Variants in ZCCHC7 observed in about 807,000 individuals in gnomAD.
ZCCHC7 encodes the protein zinc finger CCHC domain-containing protein 7.
A neutral mutation model predicts 52.0 loss-of-function variants in ZCCHC7; 35 were observed. The observed-to-expected ratio is 0.67, with a 90% CI of 0.51 to 0.89. The LOEUF is 0.89. Ranked by LOEUF, ZCCHC7 falls within the 40% of genes least tolerant of loss-of-function variation. ZCCHC7 has a pLI of 0.00. For synonymous variants in ZCCHC7, 217 were observed against 221.5 expected, an observed-to-expected ratio of 0.98 and a Z score of 0.18; for missense variants, 574 against 649.1, an observed-to-expected ratio of 0.88 and a Z score of 1.26.
intron 2 of ZCCHC7, among the ~76,000 whole-genome samples, chr9:37,150,571 C>G (rs1340253863): frequency 6.6e-6 from 1 of 152,140 alleles, no homozygotes; most frequent in Non-Finnish European, 1.5e-5. Flanking sequence ...AGCTATGTCT[C>G]AGTACAGGAA....
rs1826435716 is a variant in ZCCHC7, at chr9:37,253,621, A to G, written c.611-48567A>G. Among the ~76,000 whole-genome samples the G allele has an allele frequency of 2.0e-5, 3 of 152,124 alleles. No individual in the cohort carries two copies. In the South Asian group the frequency reaches 6.2e-4, roughly 32 times the overall value. ...ACACAGTGGGACCAGGGAGATTCAC[A>G]TAAAAAAAAATTTACATTAAACTTC... On this transcript the variant is annotated intron_variant, in intron 2 of 8. Transcript: ENST00000336755.
chr9:37,252,808 T>C (rs1252908775), intron 2 of ZCCHC7, among the ~76,000 whole-genome samples: 3 of 152,114 alleles, frequency 2.0e-5, no homozygotes, highest in Admixed American at 2.0e-4. Flanking sequence ...AATACCAACA[T>C]TGGTATTTGA....
rs935592764 is a variant in ZCCHC7, at chr9:37,292,017, A to C, written c.611-10171A>C. On this transcript the variant is annotated intron_variant, in intron 2 of 8. Coordinates refer to ENST00000336755, the MANE Select transcript of ZCCHC7 (RefSeq NM_032226.3). Reference sequence around the variant, plus strand: ...CATGTTTTACAGTTATTAAGCAAAGAAGAAATATATTTAAAATCTGATATG... The same window carrying C: ...CATGTTTTACAGTTATTAAGCAAAGCAGAAATATATTTAAAATCTGATATG... 2.0e-5 allele frequency among the ~76,000 whole-genome samples: 3 copies of C among 152,218 alleles called. No homozygotes were observed. The East Asian group carries it at 5.8e-4, about 29-fold the overall frequency.
chr9:37,149,603 G>C (rs574238124), intron 2 of ZCCHC7, among the ~76,000 whole-genome samples: 1 of 152,176 alleles, frequency 6.6e-6, no homozygotes, highest in African/African-American at 2.4e-5. Flanking sequence ...GAGAAAATTA[G>C]GTGACATTTG....
intron 2 of ZCCHC7, among the ~76,000 whole-genome samples, chr9:37,178,415 AAAAAAAAAAGGAAAAGG>A (rs1304480540): frequency 6.6e-6 from 1 of 151,364 alleles, no homozygotes; most frequent in Non-Finnish European, 1.5e-5. Flanking sequence ...CCACCAAAAA[AAAAAAAAAAGGAAAAGG>A]AAAGAAAAAA....
At chr9:37,156,447 C>T (rs966801375) in intron 2 of ZCCHC7, among the ~76,000 whole-genome samples, 1 of 152,190 alleles carries the variant, frequency 6.6e-6, no homozygotes, top group Non-Finnish European at 1.5e-5. Flanking sequence ...AACGCCACAG[C>T]ATATAATAGA....
chr9:37,295,757 G>T (rs1446741438), intron 2 of ZCCHC7, among the ~76,000 whole-genome samples: 2 of 152,132 alleles, frequency 1.3e-5, no homozygotes, highest in African/African-American at 4.8e-5. Flanking sequence ...TAGTGAATAT[G>T]AGTTTGAAAT....
chr9:37,348,465 C>T (rs188559757), intron 6 of ZCCHC7, among the ~76,000 whole-genome samples: 113 of 151,672 alleles, frequency 7.5e-4, no homozygotes, highest in Admixed American at 3.4e-3. Context: ...CTGCAACCTC[C>T]GACTCCCAGG....
intron 2 of ZCCHC7, among the ~76,000 whole-genome samples, chr9:37,227,274 T>G (rs2133292608): frequency 6.6e-6 from 1 of 152,220 alleles, no homozygotes; most frequent in Non-Finnish European, 1.5e-5. Context: ...AATAATGAGA[T>G]GAACAATCCA....
chr9:37,249,777 A>G (rs1197594445), intron 2 of ZCCHC7, among the ~76,000 whole-genome samples: 3 of 151,862 alleles, frequency 2.0e-5, no homozygotes, highest in Non-Finnish European at 2.9e-5. Flanking sequence ...AGTGTTCAAC[A>G]CTCTTATCAA....
intron 1 of ZCCHC7, 95 bp from the exon 2 acceptor site, chr9:37,126,217 T>C (rs1459149958): frequency 2.0e-5 from 23 of 1,178,026 alleles, no homozygotes; most frequent in Non-Finnish European, 2.4e-6. Context: ...ATGGCCTTCA[T>C]ATTAGCAGTT....
At chr9:37,152,825 C>T (rs1291889037) in intron 2 of ZCCHC7, among the ~76,000 whole-genome samples, 1 of 152,018 alleles carries the variant, frequency 6.6e-6, no homozygotes, top group Non-Finnish European at 1.5e-5. Context: ...AAACAGTATT[C>T]TTTGGAAGGA....
At chr9:37,287,408 G>C (rs2790063) in intron 2 of ZCCHC7, among the ~76,000 whole-genome samples, 1 of 151,842 alleles carries the variant, frequency 6.6e-6, no homozygotes, top group African/African-American at 2.4e-5. Context: ...CCAATCCCTC[G>C]TGCCTTCTTG....
At chr9:37,269,068 CAT>C (rs1827258866) in intron 2 of ZCCHC7, among the ~76,000 whole-genome samples, 1 of 152,184 alleles carries the variant, frequency 6.6e-6, no homozygotes, top group South Asian at 2.1e-4. Context: ...AAGGAAATAA[CAT>C]GTGCACCCTA....
At position 37,126,786 on chromosome 9, in the gene ZCCHC7, G is replaced by A; in HGVS notation, c.454G>A (p.Val152Ile). ...AGAGAGATCAGGTGTAATCCGAGAG[G>A]TCATGATTATAGAGGTCAGTTCAAG... is the stretch of plus-strand genomic sequence containing the variant. ...SEERSGVIREVMIIEVSSSEE... is the reference protein window; with the variant it reads ...SEERSGVIREIMIIEVSSSEE... Residue 152 changes from valine to isoleucine, a missense_variant, in exon 2 of 9, where the codon GTC becomes ATC. Physicochemically the swap from Val to Ile is conservative, Grantham distance 29 (BLOSUM62 3). Transcript: ENST00000336755. 1 of 1,614,156 alleles carries A rather than the reference G, an allele frequency of 6.2e-7. No individual in the cohort carries two copies. Among genetic ancestry groups the A allele is most frequent in the Non-Finnish European group, 8.5e-7 (1 of 1,180,016 alleles).
At chr9:37,142,749 A>G (rs1049182092) in intron 2 of ZCCHC7, among the ~76,000 whole-genome samples, 1 of 151,736 alleles carries the variant, frequency 6.6e-6, no homozygotes, top group African/African-American at 2.4e-5. Flanking sequence ...GTATTTTAAA[A>G]GGTGTATTGT....
chr9:37,159,852 A>G (rs914037135), intron 2 of ZCCHC7, among the ~76,000 whole-genome samples: 7 of 152,362 alleles, frequency 4.6e-5, no homozygotes, highest in African/African-American at 1.7e-4. Context: ...TGAAAAATGG[A>G]ATAAAGATAA....
chr9:37,122,330 C>G (rs888441593), intron 1 of ZCCHC7, among the ~76,000 whole-genome samples: 1 of 152,156 alleles, frequency 6.6e-6, no homozygotes, highest in Non-Finnish European at 1.5e-5. Flanking sequence ...TATTCTATAG[C>G]TGTTTTATAT....
chr9:37,191,022 C>CAAA (rs1225816158), intron 2 of ZCCHC7, among the ~76,000 whole-genome samples: 1 of 105,728 alleles, frequency 9.5e-6, no homozygotes, highest in Non-Finnish European at 2.1e-5. Context: ...AACTCCGTCT[C>CAAA]AAAAAAAAAA....
Sources: gnomAD v4.1 joint callset for allele counts (sites outside exome capture counted in the v4.1 genomes callset) on GRCh38, gnomAD v4.1.1 for gene constraint, MANE v1.5 for transcripts, NCBI Gene and HGNC (gene_info 2026-07-23, HGNC 2026-07-21) for gene names.